Variants in AIG1 observed in about 807,000 individuals in gnomAD.
The protein encoded by AIG1 is androgen-induced gene 1 protein.
Under a neutral mutation model 31.4 loss-of-function variants are expected in AIG1, and 23 were observed. The observed-to-expected ratio is 0.73, with a 90% CI of 0.53 to 1.04. The LOEUF (loss-of-function observed/expected upper bound fraction) is 1.04. Ranked by LOEUF, AIG1 falls within the 50% of genes least tolerant of loss-of-function variation. The probability of loss-of-function intolerance (pLI) is 0.00; values close to 1 mark genes in which losing one functional copy is unlikely to be tolerated. For missense variants in AIG1, 274 were observed against 295.0 expected, an observed-to-expected ratio of 0.93 and a Z score of 0.52; for synonymous variants, 100 against 110.5, an observed-to-expected ratio of 0.90 and a Z score of 0.60.
At chr6:143,274,239 C>T (rs889543117) in intron 3 of AIG1, among the ~76,000 whole-genome samples, 8 of 152,276 alleles carry the variant, frequency 5.3e-5, no homozygotes, top group South Asian at 4.1e-4. Flanking sequence ...TGTCCTGGTG[C>T]TCCATAGGCA....
intron 3 of AIG1, among the ~76,000 whole-genome samples, chr6:143,174,486 C>CAAAA (rs71024844): frequency 6.0e-4 from 36 of 59,630 alleles, no homozygotes; most frequent in East Asian, 2.8e-3. Context: ...GACTCCGTCT[C>CAAAA]AAAAAAAAAA....
intron 3 of AIG1, among the ~76,000 whole-genome samples, chr6:143,204,040 A>T (rs1247295662): frequency 6.6e-6 from 1 of 152,216 alleles, no homozygotes; most frequent in Non-Finnish European, 1.5e-5. Flanking sequence ...ACTGGGAAAA[A>T]TTGAGCAGAT....
chr6:143,275,726 G>A (rs1796844888), intron 3 of AIG1, among the ~76,000 whole-genome samples: 1 of 152,158 alleles, frequency 6.6e-6, no homozygotes, highest in South Asian at 2.1e-4. Flanking sequence ...ACCAAGCAGA[G>A]CAAATCACTC....
rs11962952 is a variant in AIG1, at chr6:143,153,382, C to G, written c.298-11700C>G. ...TTTATTTTTGAGATGGAGTCTCGCT[C>G]TGTCACCCAGGCTGGAGTGCAGTGG... On this transcript the variant is annotated intron_variant, in intron 2 of 5. Coordinates refer to ENST00000357847, the MANE Select transcript of AIG1 (RefSeq NM_016108.4). Among the ~76,000 whole-genome samples the G allele has an allele frequency of 3.7e-3, 563 of 152,298 alleles. 1 individual carries two copies. Among genetic ancestry groups the G allele is most frequent in the African/African-American group, 0.012 (515 of 41,564 alleles).
rs149653310 is a variant in AIG1 at position 143,276,815 on chromosome 6, C to T, written c.400-7295C>T. ...AGATAAAACATTTTGTCAGATTTCC[C>T]GAGGTAAAAATTCAGGGGATTTTTT... On this transcript the variant is annotated intron_variant, in intron 3 of 5. Coordinates refer to ENST00000357847, the MANE Select transcript of AIG1 (RefSeq NM_016108.4). Among the ~76,000 whole-genome samples the T allele has an allele frequency of 2.0e-4, 31 of 152,200 alleles. No homozygotes were observed. In the East Asian group the frequency reaches 3.9e-3, roughly 19 times the overall value.
intron 3 of AIG1, among the ~76,000 whole-genome samples, chr6:143,192,593 G>A (rs145901173): frequency 0.021 from 3,120 of 149,254 alleles, 47 homozygotes; most frequent in Middle Eastern, 0.059. Flanking sequence ...GCAACAGAGC[G>A]AGACTCCATC....
chr6:143,118,877 T>C (rs1781986442), intron 1 of AIG1, among the ~76,000 whole-genome samples: 1 of 151,708 alleles, frequency 6.6e-6, no homozygotes, highest in African/African-American at 2.4e-5. Context: ...TCTTTTTTTT[T>C]TTTTTTGTCT....
rs560344846 is a variant in AIG1 at position 143,087,567 on chromosome 6, G to A, written c.141+26501G>A. Among the ~76,000 whole-genome samples, 5 of 152,304 alleles carry A rather than the reference G, an allele frequency of 3.3e-5. No homozygotes were observed. In the East Asian group the frequency reaches 9.7e-4, roughly 29 times the overall value. On this transcript the variant is annotated intron_variant, in intron 1 of 5. Transcript: ENST00000357847. ...GGAAGTCAGCGGCGGGTCTGCGACG[G>A]CGGCAAACAACAGTGGTGGACAGCG...
rs185937766 is a variant in AIG1, at chr6:143,153,895, T to C, written c.298-11187T>C. 3.3e-5 allele frequency among the ~76,000 whole-genome samples: 5 copies of C among 151,810 alleles called. No homozygotes were observed. In the East Asian group the frequency reaches 9.7e-4, roughly 29 times the overall value. ...AAATAATAGTCTCTGACATTTAATT[T>C]ATTTATTCAACCAATTATTAATAGA... On this transcript the variant is annotated intron_variant, in intron 2 of 5. Transcript: ENST00000357847.
intron 3 of AIG1, among the ~76,000 whole-genome samples, chr6:143,239,798 G>T (rs1429909517): frequency 6.6e-6 from 1 of 152,192 alleles, no homozygotes; most frequent in Non-Finnish European, 1.5e-5. Context: ...GGTGGCCTAT[G>T]TGTTGGCCAC....
At chr6:143,084,752 T>C (rs1418546608) in intron 1 of AIG1, among the ~76,000 whole-genome samples, 1 of 152,208 alleles carries the variant, frequency 6.6e-6, no homozygotes, top group Non-Finnish European at 1.5e-5. Context: ...CCCTGTGTTA[T>C]AGTGGACATC....
At chr6:143,145,358 A>T (rs6936376) in intron 2 of AIG1, among the ~76,000 whole-genome samples, 3,942 of 152,246 alleles carry the variant, frequency 0.026, 126 homozygotes, top group African/African-American at 0.072. Context: ...ATTTTCTATT[A>T]TCCACGTCTG....
At chr6:143,187,748 G>A (rs779686001) in intron 3 of AIG1, 156 of 1,535,046 alleles carry the variant, frequency 1.0e-4, no homozygotes, top group Non-Finnish European at 1.3e-4. Flanking sequence ...CTGGTGCCAT[G>A]CATGCTGCTC....
At chr6:143,222,773 C>T (rs1336516665) in intron 3 of AIG1, among the ~76,000 whole-genome samples, 2 of 152,006 alleles carry the variant, frequency 1.3e-5, no homozygotes, top group Admixed American at 6.6e-5. Context: ...TTCATTCAGC[C>T]TTTTCTTAAT....
rs183800123 is a variant in AIG1, at chr6:143,063,802, G to C, written c.141+2736G>C. Among the ~76,000 whole-genome samples the C allele has an allele frequency of 1.2e-4, 19 of 152,294 alleles. No homozygotes were observed. In the East Asian group the frequency reaches 3.5e-3, roughly 28 times the overall value. On this transcript the variant is annotated intron_variant, in intron 1 of 5. Coordinates refer to ENST00000357847, the MANE Select transcript of AIG1 (RefSeq NM_016108.4). Reference sequence around the variant, plus strand: ...CATATTCCATGGCTTCAGTTTACCAGGATCTGAGTCAGGAATCTCAGGCTC... The same window carrying C: ...CATATTCCATGGCTTCAGTTTACCACGATCTGAGTCAGGAATCTCAGGCTC...
intron 1 of AIG1, among the ~76,000 whole-genome samples, chr6:143,086,814 G>A (rs770728276): frequency 2.1e-4 from 32 of 152,196 alleles, no homozygotes; most frequent in Non-Finnish European, 4.0e-4. Flanking sequence ...GGAGGTATAG[G>A]TCAGAAGGAA....
chr6:143,141,878 T>C (rs1164251608), intron 2 of AIG1, among the ~76,000 whole-genome samples: 1 of 151,834 alleles, frequency 6.6e-6, no homozygotes, highest in Admixed American at 6.6e-5. Flanking sequence ...GCTTAGGCTT[T>C]TAACCAAAAA....
chr6:143,141,006 G>A (rs531834229), intron 2 of AIG1, among the ~76,000 whole-genome samples: 4 of 152,308 alleles, frequency 2.6e-5, no homozygotes, highest in African/African-American at 7.2e-5. Flanking sequence ...ATTATCTACT[G>A]TCTTTCTTTG....
chr6:143,138,405 G>T (rs902852553), intron 2 of AIG1, among the ~76,000 whole-genome samples: 2 of 152,036 alleles, frequency 1.3e-5, no homozygotes, highest in African/African-American at 2.4e-5. Context: ...CTGCATAAAA[G>T]AATTATCTAG....
Sources: allele counts gnomAD v4.1 joint callset (sites outside exome capture counted in the v4.1 genomes callset), GRCh38; gene constraint gnomAD v4.1.1; transcripts MANE v1.5; gene names NCBI Gene and HGNC (gene_info 2026-07-23, HGNC 2026-07-21).